Variants in CPHXL observed in about 807,000 individuals in gnomAD.
CPHXL encodes the protein cytoplasmic polyadenylated homeobox like.
intron 2 of CPHXL, among the ~76,000 whole-genome samples, chr16:75,716,180 T>G (rs992653572): frequency 1.3e-5 from 2 of 152,146 alleles, no homozygotes; most frequent in Non-Finnish European, 2.9e-5. Flanking sequence ...AAGGCTTGTG[T>G]GAGCAAATGT....
intron 1 of CPHXL, among the ~76,000 whole-genome samples, chr16:75,721,589 C>A (rs9746270): frequency 8.6e-5 from 13 of 151,988 alleles, no homozygotes; most frequent in Admixed American, 6.5e-4. Context: ...ACAGGAGCAC[C>A]CAGATTCATA....
intron 2 of CPHXL, among the ~76,000 whole-genome samples, chr16:75,715,995 G>T (rs1279669634): frequency 6.6e-6 from 1 of 152,040 alleles, no homozygotes; most frequent in Non-Finnish European, 1.5e-5. Context: ...ACCACATCTG[G>T]CCCACATTTC....
chr16:75,722,648 T>G (rs536421086), intron 1 of CPHXL, among the ~76,000 whole-genome samples: 3 of 152,192 alleles, frequency 2.0e-5, no homozygotes, highest in African/African-American at 2.4e-5. Context: ...ACCAGACGGA[T>G]TCACAGCCGA....
intron 1 of CPHXL, among the ~76,000 whole-genome samples, chr16:75,722,317 C>A (rs1335859256): frequency 2.0e-5 from 3 of 151,920 alleles, no homozygotes; most frequent in African/African-American, 7.3e-5. Flanking sequence ...GAATCCAGGA[C>A]CTGGCTTTTT....
intron 1 of CPHXL, among the ~76,000 whole-genome samples, chr16:75,726,110 A>T (rs1472863628): frequency 1.3e-5 from 2 of 151,950 alleles, no homozygotes; most frequent in Non-Finnish European, 2.9e-5. Context: ...GGTACTTTGT[A>T]ATGGAAAGTA....
chr16:75,716,107 A>T (rs1959387274), intron 2 of CPHXL, among the ~76,000 whole-genome samples: 5 of 147,904 alleles, frequency 3.4e-5, no homozygotes, highest in Admixed American at 2.8e-4. Flanking sequence ...TTGTTGTATG[A>T]CTCTCTGAGG....
chr16:75,725,906 C>G lies in CPHXL; in HGVS notation c.25+512G>C, dbSNP rs185905106. Among the ~76,000 whole-genome samples the G allele has an allele frequency of 4.6e-5, 7 of 151,660 alleles. No homozygotes were observed. In the East Asian group the frequency reaches 1.4e-3, roughly 29 times the overall value. On this transcript the variant is annotated intron_variant, in intron 1 of 2. Transcript: ENST00000640559. Reference sequence around the variant, plus strand: ...TACTTTAGGCATACAGCCAGTCATACTAAATTGGATAAACACTTAAATGTA... The same window carrying G: ...TACTTTAGGCATACAGCCAGTCATAGTAAATTGGATAAACACTTAAATGTA...
At chr16:75,718,226 A>G (rs1050832106) in intron 2 of CPHXL, 39 bp downstream of exon 2, 5 of 398,380 alleles carry the variant, frequency 1.3e-5, no homozygotes, top group African/African-American at 1.0e-4. Context: ...CTAAAAAAAA[A>G]AAAATCTAGG....
At chr16:75,722,956 C>G (rs2151840025) in intron 1 of CPHXL, among the ~76,000 whole-genome samples, 1 of 152,270 alleles carries the variant, frequency 6.6e-6, no homozygotes, top group African/African-American at 2.4e-5. Context: ...ATACGAAAAT[C>G]AATAAACGTA....
chr16:75,718,335 T>C lies in CPHXL; in HGVS notation c.149A>G (p.Asn50Ser), dbSNP rs1959423621. ...CCTAGTTGTGTAATCGGGATAACAGTTCTCTCCAAATATTTCCTTAAGTTC... is the reference window on the plus strand; with the variant it reads ...CCTAGTTGTGTAATCGGGATAACAGCTCTCTCCAAATATTTCCTTAAGTTC... The part of the protein sequence containing the change: ...LQELKEIFGE[N>S]CYPDYTTRKT... Residue 50 changes from asparagine (N) to serine (S), a missense_variant, in exon 2 of 3, where the codon AAC (asparagine) becomes AGC (serine). Transcript: ENST00000640559. 1 of 398,764 alleles carries C rather than the reference T, an allele frequency of 2.5e-6. No homozygotes were observed. Among genetic ancestry groups the C allele is most frequent in the African/African-American group, 2.1e-5 (1 of 48,662 alleles). The allele number at this position is 398,764 out of a possible 1,614,324, so 24.7% of individuals were successfully genotyped here.
At chr16:75,721,151 C>A (rs2151839542) in intron 1 of CPHXL, among the ~76,000 whole-genome samples, 1 of 152,262 alleles carries the variant, frequency 6.6e-6, no homozygotes, top group Middle Eastern at 3.4e-3. Flanking sequence ...CAAAAACATG[C>A]TCAATTGTTA....
chr16:75,717,266 A>G (rs1032847731), intron 2 of CPHXL, among the ~76,000 whole-genome samples: 5 of 152,220 alleles, frequency 3.3e-5, no homozygotes, highest in African/African-American at 1.2e-4. Context: ...AGTTTTTACA[A>G]TACATACTCA....
At position 75,726,314 on chromosome 16, in the gene CPHXL, C is replaced by T. The variant is rs138465906; in HGVS notation, c.25+104G>A. ...ATTTACCGGTGAAAAACAGCTGCTGCTCCAACAATCTGTACCTCTGTGTTT... is the reference window on the plus strand; with the variant it reads ...ATTTACCGGTGAAAAACAGCTGCTGTTCCAACAATCTGTACCTCTGTGTTT... On this transcript the variant is annotated intron_variant, in intron 1 of 2. Coordinates refer to ENST00000640559, the MANE Select transcript of CPHXL (RefSeq NM_001355613.1). The T allele has an allele frequency of 5.4e-3, 2,133 of 398,208 alleles. 43 individuals are homozygous for T. Among genetic ancestry groups the T allele is most frequent in the African/African-American group, 0.04 (1,942 of 48,720 alleles). 24.7% of individuals were successfully genotyped at this position (398,208 alleles called of 1,614,324 possible).
chr16:75,722,154 A>G (rs1003495043), intron 1 of CPHXL, among the ~76,000 whole-genome samples: 13 of 152,356 alleles, frequency 8.5e-5, no homozygotes, highest in African/African-American at 3.1e-4. Flanking sequence ...AGAAAGCAGG[A>G]AAGATCTAAA....
intron 1 of CPHXL, among the ~76,000 whole-genome samples, chr16:75,725,040 C>G (rs1352742835): frequency 6.6e-6 from 1 of 151,938 alleles, no homozygotes; most frequent in African/African-American, 2.4e-5. Context: ...AAACCAAACA[C>G]CGCTTGTTCT....
intron 1 of CPHXL, among the ~76,000 whole-genome samples, chr16:75,719,947 A>G (rs1319050260): frequency 1.3e-5 from 2 of 152,054 alleles, no homozygotes; most frequent in Non-Finnish European, 2.9e-5. Context: ...CTGCTCACCA[A>G]TATCTGCTGT....
intron 1 of CPHXL, among the ~76,000 whole-genome samples, chr16:75,725,369 A>G (rs776750970): frequency 8.4e-4 from 127 of 152,066 alleles, no homozygotes; most frequent in Non-Finnish European, 1.5e-3. Flanking sequence ...GCTCACTGCA[A>G]TCTCCGCCTA....
intron 1 of CPHXL, among the ~76,000 whole-genome samples, chr16:75,724,582 C>G (rs1454619626): frequency 1.3e-5 from 2 of 152,240 alleles, no homozygotes; most frequent in African/African-American, 4.8e-5. Flanking sequence ...GAGATACCAT[C>G]TCACACCAGT....
intron 1 of CPHXL, among the ~76,000 whole-genome samples, chr16:75,725,696 C>G (rs2151840760): frequency 6.6e-6 from 1 of 150,736 alleles, no homozygotes; most frequent in African/African-American, 2.4e-5. Flanking sequence ...TCGTGATCCA[C>G]CCGCCTCGGC....
Sources: allele counts gnomAD v4.1 joint callset (sites outside exome capture counted in the v4.1 genomes callset), GRCh38; gene constraint gnomAD v4.1.1; transcripts MANE v1.5; gene names NCBI Gene and HGNC (gene_info 2026-07-23, HGNC 2026-07-21).